RADX: variants seen among roughly 807,000 people sequenced by gnomAD.
The protein encoded by RADX is RPA-related protein RADX.
In RADX, 36 loss-of-function variants were observed where a neutral mutation model predicts 61.6. The observed-to-expected ratio is 0.58, with a 90% CI of 0.45 to 0.77. RADX has a LOEUF of 0.77. RADX is among the 30% of genes least tolerant of loss of function. RADX has a pLI of 0.00. For synonymous variants in RADX, 272 were observed against 237.9 expected (o/e 1.14, Z -1.32); for missense variants, 497 against 651.1 (o/e 0.76, Z 2.58).
At chrX:106,658,852 A>T (rs988686407) in intron 11 of RADX, among the ~76,000 whole-genome samples, 2 of 111,842 alleles carry the variant, frequency 1.8e-5, no homozygotes, top group Non-Finnish European at 3.8e-5. Flanking sequence ...CATTACAGGT[A>T]GCCTCTGACT....
chrX:106,632,562 T>A, intron 3 of RADX, 63 bp from the exon 4 acceptor site: 1 of 732,138 alleles, frequency 1.4e-6, no homozygotes, highest in Non-Finnish European at 2.0e-6. Context: ...TTTTAATATA[T>A]ATTCATGTAT....
chrX:106,662,042 A>T lies in RADX; in HGVS notation c.2006A>T (p.Gln669Leu). 8.3e-7 allele frequency: 1 copy of T among 1,210,627 alleles called. No homozygotes were observed. The highest frequency in any genetic ancestry group is 1.8e-5 in the South Asian group (1 of 56,923). Reference protein sequence around the residue: ...NRRANINANLQGKARKTISDR... With the variant: ...NRRANINANLLGKARKTISDR... Reference sequence around the variant, plus strand: ...CGAGCAAATATAAATGCTAATCTGCAAGGGAAAGCCAGAAAAACTATAAGT... The same window carrying T: ...CGAGCAAATATAAATGCTAATCTGCTAGGGAAAGCCAGAAAAACTATAAGT... Residue 669 changes from glutamine to leucine, a missense_variant, in exon 12 of 14, where the codon CAA (glutamine) becomes CTA (leucine). Gln to Leu is a moderately radical substitution (Grantham distance 113). Transcript: ENST00000372548.
At chrX:106,620,539 TGGTGCATGCTTATA>T (rs1926920464) in intron 1 of RADX, among the ~76,000 whole-genome samples, 1 of 110,314 alleles carries the variant, frequency 9.1e-6, no homozygotes, top group South Asian at 3.9e-4. Context: ...CCGGGCATTG[TGGTGCATGCTTATA>T]GTCCCAGCTA....
intron 10 of RADX, among the ~76,000 whole-genome samples, chrX:106,647,930 T>C (rs761485321): frequency 1.8e-4 from 20 of 110,996 alleles, no homozygotes; most frequent in Non-Finnish European, 3.0e-4. Flanking sequence ...TAATCCCTTG[T>C]CAGATGAGTA....
intron 11 of RADX, among the ~76,000 whole-genome samples, chrX:106,655,417 G>A (rs1364185101): frequency 9.4e-6 from 1 of 106,769 alleles, no homozygotes; most frequent in African/African-American, 3.4e-5. Context: ...ATGTATACAT[G>A]TGCCATGTTA....
intron 11 of RADX, among the ~76,000 whole-genome samples, chrX:106,657,689 A>G (rs1011172997): frequency 1.4e-4 from 16 of 111,443 alleles, no homozygotes; most frequent in Non-Finnish European, 2.8e-4. Context: ...TGAGGAAAAG[A>G]GGATAGACAG....
intron 10 of RADX, among the ~76,000 whole-genome samples, chrX:106,645,180 G>GT (rs1927626377): frequency 9.1e-6 from 1 of 109,787 alleles, no homozygotes; most frequent in South Asian, 3.8e-4. Flanking sequence ...CTGGCTAAAT[G>GT]TAAGTTTTGT....
intron 12 of RADX, among the ~76,000 whole-genome samples, chrX:106,667,925 A>G (rs901904217): frequency 4.5e-5 from 5 of 111,665 alleles, no homozygotes; most frequent in African/African-American, 9.8e-5. Context: ...AGAATCAAGG[A>G]TATAAGATAC....
intron 10 of RADX, among the ~76,000 whole-genome samples, chrX:106,641,479 A>G (rs1286489194): frequency 9.0e-6 from 1 of 111,240 alleles, no homozygotes; most frequent in Admixed American, 9.6e-5. Flanking sequence ...ATAAAATCAA[A>G]CAAGTTATCT....
At chrX:106,670,158 G>A (rs1379854105) in intron 13 of RADX, among the ~76,000 whole-genome samples, 1 of 108,731 alleles carries the variant, frequency 9.2e-6, no homozygotes, top group Non-Finnish European at 1.9e-5. Flanking sequence ...AATTGAACTT[G>A]GGTACCTAAT....
At position 106,648,320 on chromosome X, in the gene RADX, G is replaced by A. The variant is rs1218789175; in HGVS notation, c.1912G>A (p.Val638Ile). The A allele has an allele frequency of 5.1e-6, 6 of 1,187,642 alleles. No homozygotes were observed. Among genetic ancestry groups the A allele is most frequent in the Admixed American group, 2.2e-5 (1 of 45,214 alleles). Residue 638 changes from valine (V) to isoleucine (I), a missense_variant, in exon 11 of 14, where the codon GTA (valine) becomes ATA (isoleucine). Coordinates refer to ENST00000372548, the MANE Select transcript of RADX (RefSeq NM_018015.6). ...TCTTCTTATCCTTTATAGAGTTGCT[G>A]TACCTCAACCAGGAGCTTCTGTACA... ...LQGPHANPVAVPQPGASVQTK... is the reference protein window; with the variant it reads ...LQGPHANPVAIPQPGASVQTK...
intron 11 of RADX, among the ~76,000 whole-genome samples, chrX:106,655,347 C>T (rs1443750904): frequency 2.2e-4 from 19 of 87,898 alleles, no homozygotes; most frequent in African/African-American, 7.2e-4. Context: ...TTCAGGTTTT[C>T]TTTTTTTATT....
rs749313972 is a variant in RADX at position 106,633,162 on chromosome X, A to G, written c.1213A>G (p.Ile405Val). ...TGAAGATTTTTGGTCATATCGCTGG[A>G]TTCACATTGCTGACGGTACTTCAGA... ...NREDFWSYRW[I>V]HIADGTSEQP... Residue 405 changes from isoleucine to valine, a missense_variant, in exon 6 of 14, where the codon ATT becomes GTT. Transcript: ENST00000372548. 1 of 1,203,319 alleles carries G rather than the reference A, an allele frequency of 8.3e-7. No individual in the cohort carries two copies. The highest frequency in any genetic ancestry group is 1.1e-6 in the Non-Finnish European group (1 of 887,959).
chrX:106,617,642 G>A (rs1926844527), intron 1 of RADX, among the ~76,000 whole-genome samples: 1 of 111,607 alleles, frequency 9.0e-6, no homozygotes, highest in Non-Finnish European at 1.9e-5. Flanking sequence ...CTTTTGCCTT[G>A]AATTCTATTT....
At chrX:106,677,330 G>A (rs1021299776) in intron 13 of RADX, among the ~76,000 whole-genome samples, 1 of 111,603 alleles carries the variant, frequency 9.0e-6, no homozygotes, top group South Asian at 3.8e-4. Flanking sequence ...TCTACCCACC[G>A]TGTAGCAGTT....
At chrX:106,676,808 A>G (rs1278184163) in intron 13 of RADX, among the ~76,000 whole-genome samples, 1 of 111,973 alleles carries the variant, frequency 8.9e-6, no homozygotes, top group African/African-American at 3.2e-5. Context: ...CTGCTTGCTC[A>G]GAGCATGAAG....
At chrX:106,622,925 C>T (rs1054065137) in intron 2 of RADX, 132 bp downstream of exon 2, 11 of 370,133 alleles carry the variant, frequency 3.0e-5, no homozygotes, top group Admixed American at 2.3e-4. Flanking sequence ...TTTAAATGTA[C>T]GTAAATGTAT....
At chrX:106,652,936 A>G (rs1230624597) in intron 11 of RADX, among the ~76,000 whole-genome samples, 1 of 105,789 alleles carries the variant, frequency 9.5e-6, no homozygotes, top group African/African-American at 3.4e-5. Context: ...CAGTGAGCCA[A>G]AATTGCACCA....
chrX:106,617,019 G>GGT (rs1926819587), intron 1 of RADX, among the ~76,000 whole-genome samples: 1 of 87,240 alleles, frequency 1.1e-5, no homozygotes, highest in Non-Finnish European at 2.2e-5. Context: ...TGTGTGTGTG[G>GGT]GTTTTTTTTT....
Sources: allele counts gnomAD v4.1 joint callset (sites outside exome capture counted in the v4.1 genomes callset), GRCh38; gene constraint gnomAD v4.1.1; transcripts MANE v1.5; gene names NCBI Gene and HGNC (gene_info 2026-07-23, HGNC 2026-07-21).